The following PFKP variants were observed in gnomAD, a reference collection of about 807,000 sequenced individuals.
PFKP encodes the protein ATP-dependent 6-phosphofructokinase, platelet type.
PFKP carries 101 observed loss-of-function variants against 94.3 expected under a neutral mutation model. The observed-to-expected ratio is 1.07, with a 90% CI of 0.91 to 1.26. PFKP has a LOEUF of 1.26. Among genes scored for constraint, PFKP ranks in the 50% most tolerant of loss-of-function variants. PFKP has a pLI of 0.00. For synonymous variants in PFKP, 573 were observed against 432.6 expected (o/e 1.32, Z -4.03); for missense variants, 1,145 against 1,103.3 (o/e 1.04, Z -0.53).
At chr10:3,121,796 T>TTTC (rs1564339050) in intron 16 of PFKP, among the ~76,000 whole-genome samples, 1 of 20,924 alleles carries the variant, frequency 4.8e-5, no homozygotes. Flanking sequence ...ACAATTTCTT[T>TTTC]TTTTTTCTTT....
chr10:3,081,010 C>T (rs2131414623), intron 1 of PFKP, among the ~76,000 whole-genome samples: 1 of 152,214 alleles, frequency 6.6e-6, no homozygotes, highest in Admixed American at 6.5e-5. Context: ...TGAGAGATGG[C>T]CACTAGTTAA....
At chr10:3,098,700 C>T (rs1318983103) in intron 2 of PFKP, among the ~76,000 whole-genome samples, 2 of 132,710 alleles carry the variant, frequency 1.5e-5, no homozygotes, top group East Asian at 5.0e-4. Flanking sequence ...AGGTAATTGT[C>T]CTTGGGCTTC....
chr10:3,110,048 A>C (rs74870631), intron 10 of PFKP, among the ~76,000 whole-genome samples: 1 of 152,058 alleles, frequency 6.6e-6, no homozygotes, highest in Non-Finnish European at 1.5e-5. Flanking sequence ...GACACAGGGA[A>C]AGCTCTGGTC....
At chr10:3,072,782 G>A (rs1832296880) in intron 1 of PFKP, among the ~76,000 whole-genome samples, 1 of 151,924 alleles carries the variant, frequency 6.6e-6, no homozygotes, top group African/African-American at 2.4e-5. Context: ...CCAATCTGAT[G>A]GGCCATCAGA....
intron 3 of PFKP, chr10:3,100,864 A>AAATAAAAAAAAAT (rs893864030): frequency 1.9e-5 from 7 of 365,492 alleles, no homozygotes; most frequent in Non-Finnish European, 3.0e-5. Context: ...ATGTGGTGCA[A>AAATAAAAAAAAAT]AAAAAAAAAA....
chr10:3,117,540 T>C lies in PFKP; in HGVS notation c.1442+694T>C, dbSNP rs1240843719. On this transcript the variant is annotated intron_variant, in intron 14 of 21. Coordinates refer to ENST00000381125, the MANE Select transcript of PFKP (RefSeq NM_002627.5). ...ATTCCGGCTTATTGTTCCAAGGGAG[T>C]TAGCTGCACCCTTTGCTTTGCTTTA... Among the ~76,000 whole-genome samples, 3 of 152,136 alleles carry C rather than the reference T, an allele frequency of 2.0e-5. No homozygotes were observed. The South Asian group carries it at 6.2e-4, about 32-fold the overall frequency.
At position 3,109,472 on chromosome 10, in the gene PFKP, G is replaced by A. The variant is rs1268502751; in HGVS notation, c.1081G>A (p.Val361Met). ...HAVRLPLMEC[V>M]QMTQDVQKAM... is the part of the protein sequence containing the mutation. ...CGTGCGCCTGCCGCTGATGGAGTGC[G>A]TGCAGATGGTGAGTGGGCAGCCCAT... Residue 361 changes from valine to methionine, a missense_variant, in exon 10 of 22, where the codon GTG becomes ATG. Transcript: ENST00000381125. The A allele has an allele frequency of 2.5e-6, 4 of 1,604,576 alleles. No homozygotes were observed. The highest frequency in any genetic ancestry group is 3.4e-6 in the Non-Finnish European group (4 of 1,179,758).
rs1011449580 is a variant in PFKP at position 3,129,914 on chromosome 10, G to T, written c.1779G>T (p.Met593Ile). 9.3e-6 allele frequency: 15 copies of T among 1,611,680 alleles called. No homozygotes were observed. Among genetic ancestry groups the T allele is most frequent in the African/African-American group, 1.3e-5 (1 of 74,864 alleles). Residue 593 changes from methionine to isoleucine, a missense_variant, in exon 17 of 22, where the codon ATG (methionine) becomes ATT (isoleucine). By Grantham distance (10) the Met-to-Ile change is conservative (BLOSUM62 1). Coordinates refer to ENST00000381125, the MANE Select transcript of PFKP (RefSeq NM_002627.5). The stretch of plus-strand genomic sequence containing the variant: ...GCTACTGTGGCTACCTGGCCAACAT[G>T]GGGGGGCTCGCGGCCGGAGCTGATG... ...MGGYCGYLAN[M>I]GGLAAGADAA...
intron 14 of PFKP, 115 bp from the exon 15 acceptor site, chr10:3,118,667 T>C: frequency 1.5e-6 from 1 of 661,382 alleles, no homozygotes; most frequent in East Asian, 2.8e-5. Context: ...CGTTTACCGC[T>C]CCTTAATTAA....
At chr10:3,133,083 T>C (rs1334927303) in intron 18 of PFKP, 120 bp from the exon 19 acceptor site, 4 of 736,422 alleles carry the variant, frequency 5.4e-6, no homozygotes, top group African/African-American at 1.7e-5. Context: ...CTGGTGTTGA[T>C]GTAGAATCAC....
chr10:3,076,262 G>C (rs143429372), intron 1 of PFKP, among the ~76,000 whole-genome samples: 3 of 152,260 alleles, frequency 2.0e-5, no homozygotes, highest in Admixed American at 6.5e-5. Flanking sequence ...GGCGTGTGCT[G>C]CCTGTATTTA....
At chr10:3,108,664 T>C in intron 8 of PFKP, 37 bp from the exon 9 acceptor site, 3 of 1,525,730 alleles carry the variant, frequency 2.0e-6, no homozygotes, top group Non-Finnish European at 2.7e-6. Flanking sequence ...TGTGTCCGCA[T>C]CACAGTTCCG....
chr10:3,115,391 TGGGGA>T lies in PFKP; in HGVS notation c.1372-1384_1372-1380del, dbSNP rs1264278285. ...TGTGTCCCGCAGCTGAGAACAGGAC[TGGGGA>T]TGCCGGGGTGAAGGTGTGTGTCCCG... On this transcript the variant is annotated intron_variant, in intron 13 of 21. Transcript: ENST00000381125. Among the ~76,000 whole-genome samples, 702 of 88,374 alleles carry T rather than the reference TGGGGA, an allele frequency of 7.9e-3. 7 individuals are homozygous for T. The highest frequency in any genetic ancestry group is 0.012 in the Non-Finnish European group (445 of 37,614). 58.0% of individuals were successfully genotyped at this position (88,374 alleles called of 152,430 possible).
At chr10:3,126,814 G>A (rs1791464942) in intron 16 of PFKP, among the ~76,000 whole-genome samples, 2 of 152,260 alleles carry the variant, frequency 1.3e-5, no homozygotes, top group African/African-American at 4.8e-5. Context: ...GCTCCCATGG[G>A]ACTCCTCGGG....
At chr10:3,099,192 T>C in intron 2 of PFKP, 83 bp from the exon 3 acceptor site, 1 of 1,105,914 alleles carries the variant, frequency 9.0e-7, no homozygotes, top group Non-Finnish European at 1.4e-6. Context: ...ACTGTCATTT[T>C]TCCCGTTTTA....
chr10:3,104,780 A>G (rs745793548), intron 5 of PFKP: 8 of 397,570 alleles, frequency 2.0e-5, no homozygotes, highest in Non-Finnish European at 3.2e-5. Flanking sequence ...ACTGTGCCCA[A>G]TAGAGAAGGT....
In PFKP at chr10:3,135,728, TTTTATAGGAAAAAAA is replaced by T; in HGVS notation, c.2123-3_2134del. The T allele has an allele frequency of 6.3e-7, 1 of 1,581,546 alleles. No individual in the cohort carries two copies. Among genetic ancestry groups the T allele is most frequent in the Non-Finnish European group, 8.7e-7 (1 of 1,152,112 alleles). Reference sequence around the variant, plus strand: ...GGTGTTATTAATCTTTTTTAAAATCTTTTATAGGAAAAAAATTTACCACCGATGATTCCATTTGTG... The same window carrying T: ...GGTGTTATTAATCTTTTTTAAAATCTTTTACCACCGATGATTCCATTTGTG... On this transcript the variant is annotated splice_acceptor_variant and splice_polypyrimidine_tract_variant and coding_sequence_variant and intron_variant, in exon 21 of 22. Coordinates refer to ENST00000381125, the MANE Select transcript of PFKP (RefSeq NM_002627.5). LOFTEE classifies it high-confidence loss of function.
chr10:3,134,321 C>T (rs1354665225), intron 19 of PFKP, among the ~76,000 whole-genome samples, 162 bp from the exon 20 acceptor site: 4 of 152,204 alleles, frequency 2.6e-5, no homozygotes, highest in East Asian at 1.9e-4. Flanking sequence ...TTTTTCTTAA[C>T]AGGCCAAGTT....
intron 3 of PFKP, among the ~76,000 whole-genome samples, chr10:3,100,044 G>A (rs940411623): frequency 1.4e-5 from 2 of 140,916 alleles, no homozygotes; most frequent in South Asian, 4.4e-4. Context: ...GTCCTTGTAT[G>A]TGTAGGTGTG....
Sources: allele counts gnomAD v4.1 joint callset (sites outside exome capture counted in the v4.1 genomes callset), GRCh38; gene constraint gnomAD v4.1.1; transcripts MANE v1.5; gene names NCBI Gene and HGNC (gene_info 2026-07-23, HGNC 2026-07-21).